BNC2: variants seen among roughly 807,000 people sequenced by gnomAD.
BNC2 encodes the protein zinc finger protein basonuclin-2.
A neutral mutation model predicts 76.3 loss-of-function variants in BNC2; 20 were observed. That is an observed-to-expected ratio of 0.26 (90% CI 0.18 to 0.38). The LOEUF is 0.38. Ranked by LOEUF, BNC2 falls within the 10% of genes least tolerant of loss-of-function variation. BNC2 has a pLI of 1.00. For synonymous variants in BNC2, 582 were observed against 514.8 expected (o/e 1.13, Z -1.77); for missense variants, 1,382 against 1,399.8 (o/e 0.99, Z 0.20).
At chr9:16,610,391 A>C (rs1820511652) in intron 3 of BNC2, among the ~76,000 whole-genome samples, 1 of 152,170 alleles carries the variant, frequency 6.6e-6, no homozygotes, top group Non-Finnish European at 1.5e-5. Flanking sequence ...TACCCCCAGA[A>C]GGAATCCGAG....
intron 1 of BNC2, among the ~76,000 whole-genome samples, chr9:16,765,572 A>T (rs1825668388): frequency 6.6e-6 from 1 of 152,196 alleles, no homozygotes; most frequent in African/African-American, 2.4e-5. Context: ...AATGAAATGC[A>T]CAGAGTCACA....
intron 1 of BNC2, among the ~76,000 whole-genome samples, chr9:16,868,828 T>G (rs973990527): frequency 2.0e-5 from 3 of 152,102 alleles, no homozygotes; most frequent in Non-Finnish European, 2.9e-5. Context: ...AAAAAGTAAA[T>G]GTTCTGTTAA....
intron 1 of BNC2, among the ~76,000 whole-genome samples, chr9:16,850,122 C>A (rs1412095095): frequency 6.6e-6 from 1 of 152,196 alleles, no homozygotes; most frequent in Non-Finnish European, 1.5e-5. Context: ...AGCACTCATG[C>A]AGTCTCACAT....
At chr9:16,578,975 G>C (rs1819558790) in intron 4 of BNC2, among the ~76,000 whole-genome samples, 1 of 152,068 alleles carries the variant, frequency 6.6e-6, no homozygotes, top group African/African-American at 2.4e-5. Flanking sequence ...ACTAGGTATG[G>C]CCATCTTTTA....
At chr9:16,755,337 G>T (rs114507861) in intron 1 of BNC2, among the ~76,000 whole-genome samples, 2,041 of 152,106 alleles carry the variant, frequency 0.013, 52 homozygotes, top group African/African-American at 0.046. Flanking sequence ...AGGAGGCTGT[G>T]GGGGGACACC....
intron 5 of BNC2, among the ~76,000 whole-genome samples, chr9:16,496,454 G>A (rs7854653): frequency 0.095 from 14,425 of 152,098 alleles, 1,979 homozygotes; most frequent in African/African-American, 0.31. Context: ...CAAATATTCA[G>A]AAGAGCCCTA....
chr9:16,456,565 G>C (rs548655151), intron 5 of BNC2, among the ~76,000 whole-genome samples: 30 of 150,584 alleles, frequency 2.0e-4, no homozygotes, highest in Non-Finnish European at 4.1e-4. Flanking sequence ...AGTCCTACCA[G>C]GCCAAGAGCA....
chr9:16,456,762 G>A (rs766755646), intron 5 of BNC2, among the ~76,000 whole-genome samples: 23 of 152,096 alleles, frequency 1.5e-4, no homozygotes, highest in Non-Finnish European at 2.5e-4. Flanking sequence ...ATTATCTGTC[G>A]GTAGGGTAGG....
At chr9:16,728,028 C>G (rs1824400679) in intron 2 of BNC2, 31 bp from the exon 3 acceptor site, 1 of 1,595,728 alleles carries the variant, frequency 6.3e-7, no homozygotes, top group East Asian at 2.2e-5. Context: ...TTTTGAGCCT[C>G]TTGGCAGCCA....
At chr9:16,853,346 C>T (rs924563887) in intron 1 of BNC2, among the ~76,000 whole-genome samples, 2 of 148,152 alleles carry the variant, frequency 1.3e-5, no homozygotes, top group Non-Finnish European at 3.0e-5. Flanking sequence ...GTCGAGGCTG[C>T]AGTGAGCCAT....
chr9:16,748,964 A>T (rs1825098540), intron 1 of BNC2, among the ~76,000 whole-genome samples: 3 of 147,134 alleles, frequency 2.0e-5, no homozygotes, highest in Admixed American at 6.7e-5. Flanking sequence ...TTAACAAAAT[A>T]AAAAAATTAA....
chr9:16,469,992 CTT>C (rs201134930), intron 5 of BNC2, among the ~76,000 whole-genome samples: 9,550 of 113,412 alleles, frequency 0.084, 233 homozygotes, highest in African/African-American at 0.17. Flanking sequence ...TAATGGCATT[CTT>C]TTTTTTTTTT....
At chr9:16,526,467 C>CT (rs144511624) in intron 5 of BNC2, among the ~76,000 whole-genome samples, 5,802 of 48,722 alleles carry the variant, frequency 0.12, 1,449 homozygotes, top group African/African-American at 0.14. Flanking sequence ...TAGTTTAATG[C>CT]TTTTTTTTTT....
In BNC2 at chr9:16,768,444, C is replaced by A. The variant is rs543861871; in HGVS notation, c.4-29959G>T. Among the ~76,000 whole-genome samples the A allele has an allele frequency of 2.0e-5, 3 of 152,144 alleles. No homozygotes were observed. The South Asian group carries it at 6.2e-4, about 32-fold the overall frequency. ...GCAAAAGGGATTTGGATAATGGCAA[C>A]AGAGACATTTAACAAGAATTGGAAA... On this transcript the variant is annotated intron_variant, in intron 1 of 6. Transcript: ENST00000380672.
chr9:16,680,244 C>A (rs968888968), intron 3 of BNC2, among the ~76,000 whole-genome samples: 1 of 151,942 alleles, frequency 6.6e-6, no homozygotes, highest in Admixed American at 6.6e-5. Flanking sequence ...TTAGCTTTGT[C>A]GTTTTCTTAA....
intron 5 of BNC2, among the ~76,000 whole-genome samples, chr9:16,550,649 G>A (rs569580270): frequency 2.0e-5 from 3 of 152,284 alleles, no homozygotes; most frequent in Non-Finnish European, 2.9e-5. Context: ...AAGATACAAT[G>A]TATATGCTTG....
At chr9:16,522,608 G>C (rs1372574501) in intron 5 of BNC2, among the ~76,000 whole-genome samples, 2 of 152,072 alleles carry the variant, frequency 1.3e-5, no homozygotes, top group Non-Finnish European at 2.9e-5. Flanking sequence ...TGGGAGCCAA[G>C]AGGCCTGAAG....
Position 16,436,421 on chromosome 9 carries a change from G to C in BNC2, c.1773C>G (p.Thr591=), listed in dbSNP as rs372343941. The change falls in exon 6 of 7, where the codon ACC becomes ACG. Residue 591 remains threonine, a synonymous_variant. Transcript: ENST00000380672. ...EMVSPPTSLP[T]SPIIPTSGTI... ...TACCACTGGTTGGAATGATGGGACT[G>C]GTTGGGAGGGAGGTTGGAGGACTCA... is the stretch of plus-strand genomic sequence containing the variant. 2 of 1,613,986 alleles carry C rather than the reference G, an allele frequency of 1.2e-6. No homozygotes were observed. The highest frequency in any genetic ancestry group is 1.1e-5 in the South Asian group (1 of 91,080).
chr9:16,753,846 T>TGGAGCAGATGGGTAGTTACAGTA (rs1310989904), intron 1 of BNC2, among the ~76,000 whole-genome samples: 3 of 135,776 alleles, frequency 2.2e-5, no homozygotes, highest in Non-Finnish European at 4.7e-5. Context: ...CTTTTTGATG[T>TGGAGCAGATGGGTAGTTACAGTA]GGAGCAGATG....
Sources: gnomAD v4.1 joint callset for allele counts (sites outside exome capture counted in the v4.1 genomes callset) on GRCh38, gnomAD v4.1.1 for gene constraint, MANE v1.5 for transcripts, NCBI Gene and HGNC (gene_info 2026-07-23, HGNC 2026-07-21) for gene names.